FAM184A: variants seen among roughly 807,000 people sequenced by gnomAD.
The protein encoded by FAM184A is family with sequence similarity 184 member A, also known as protein FAM184A.
Under a neutral mutation model 143.8 loss-of-function variants are expected in FAM184A, and 99 were observed. The ratio of observed to expected loss-of-function variants is 0.69; its 90% CI spans 0.58 to 0.81. FAM184A has a LOEUF of 0.81. Among genes scored for constraint, FAM184A ranks in the 40% least tolerant of loss-of-function variants. The pLI is 0.00. For synonymous variants in FAM184A, 427 were observed against 446.4 expected, an observed-to-expected ratio of 0.96 and a Z score of 0.55; for missense variants, 1,217 against 1,310.5, an observed-to-expected ratio of 0.93 and a Z score of 1.10.
At chr6:119,064,924 T>C (rs1787387786) in intron 1 of FAM184A, among the ~76,000 whole-genome samples, 1 of 152,222 alleles carries the variant, frequency 6.6e-6, no homozygotes, top group Non-Finnish European at 1.5e-5. Context: ...CAATTTTATT[T>C]CTACTATTGA....
chr6:119,107,269 T>G (rs1284679005), intron 1 of FAM184A, among the ~76,000 whole-genome samples: 1 of 152,200 alleles, frequency 6.6e-6, no homozygotes, highest in Non-Finnish European at 1.5e-5. Context: ...TTATGTTTAC[T>G]AATATTATCA....
intron 6 of FAM184A, 61 bp downstream of exon 6, chr6:119,011,247 AC>A: frequency 7.0e-7 from 1 of 1,424,366 alleles, no homozygotes; most frequent in Non-Finnish European, 9.7e-7. Context: ...ATACAATGTC[AC>A]CAGAATAAGT....
intron 1 of FAM184A, among the ~76,000 whole-genome samples, chr6:119,090,760 G>T (rs1187087260): frequency 2.0e-5 from 3 of 152,062 alleles, no homozygotes; most frequent in Admixed American, 6.6e-5. Context: ...TTTTACCCTT[G>T]GTGAGCACTT....
intron 11 of FAM184A, among the ~76,000 whole-genome samples, chr6:118,976,263 T>C (rs1169283999): frequency 2.0e-5 from 3 of 152,194 alleles, no homozygotes; most frequent in Non-Finnish European, 4.4e-5. Context: ...ATATAAAATA[T>C]TTCAAATGTT....
At chr6:118,988,562 AC>A (rs1206714921) in intron 9 of FAM184A, among the ~76,000 whole-genome samples, 2 of 152,258 alleles carry the variant, frequency 1.3e-5, no homozygotes, top group East Asian at 3.8e-4. Flanking sequence ...AAAACCGCCA[AC>A]ACTAACTTGA....
chr6:119,026,873 T>A (rs1355284231), intron 1 of FAM184A, among the ~76,000 whole-genome samples: 2 of 152,198 alleles, frequency 1.3e-5, no homozygotes, highest in Non-Finnish European at 2.9e-5. Context: ...AGCTGCCTCC[T>A]GTAAAGTAAA....
chr6:119,026,651 C>A (rs928410163), intron 1 of FAM184A, among the ~76,000 whole-genome samples: 7 of 152,152 alleles, frequency 4.6e-5, no homozygotes, highest in Non-Finnish European at 8.8e-5. Context: ...TTAGACACAA[C>A]TGACCGACGT....
chr6:119,129,593 C>T (rs1284666189), intron 1 of FAM184A, among the ~76,000 whole-genome samples: 1 of 152,016 alleles, frequency 6.6e-6, no homozygotes, highest in Non-Finnish European at 1.5e-5. Context: ...GGCATTGGAG[C>T]TAACAAGCCT....
intron 6 of FAM184A, among the ~76,000 whole-genome samples, chr6:119,007,030 G>A (rs960519330): frequency 2.4e-4 from 37 of 152,222 alleles, no homozygotes; most frequent in African/African-American, 8.4e-4. Flanking sequence ...TTGCAAAGGG[G>A]ATAAATTTAG....
At chr6:119,089,329 A>G (rs1033699380) in intron 1 of FAM184A, among the ~76,000 whole-genome samples, 1 of 151,722 alleles carries the variant, frequency 6.6e-6, no homozygotes, top group Non-Finnish European at 1.5e-5. Flanking sequence ...ATAGCCTCCC[A>G]AGTAGCTGGG....
At chr6:118,970,164 C>T (rs893752467) in intron 14 of FAM184A, among the ~76,000 whole-genome samples, 7 of 149,668 alleles carry the variant, frequency 4.7e-5, no homozygotes, top group Non-Finnish European at 5.9e-5. Flanking sequence ...CCACCACACT[C>T]GGCTAATTTT....
intron 9 of FAM184A, among the ~76,000 whole-genome samples, chr6:118,997,339 A>G (rs1784601596): frequency 6.6e-6 from 1 of 151,700 alleles, no homozygotes; most frequent in Non-Finnish European, 1.5e-5. Context: ...AAAAAAAAAA[A>G]AAATTAAAAG....
At chr6:119,015,892 G>T (rs998409645) in intron 5 of FAM184A, among the ~76,000 whole-genome samples, 5 of 152,140 alleles carry the variant, frequency 3.3e-5, no homozygotes, top group African/African-American at 1.2e-4. Flanking sequence ...TGCACCAATC[G>T]ACACTCTGTA....
rs1156368493 is a variant in FAM184A at position 119,084,076 on chromosome 6, GGAGA to G, written c.-201-59267_-201-59264del. On this transcript the variant is annotated intron_variant, in intron 1 of 16. Transcript: ENST00000352896. The stretch of plus-strand genomic sequence containing the variant: ...GCAAGGCACATCTTACATTGTGGCA[GGAGA>G]GAGAGAGAGAGAAAGAGAGAGAGAA... 4.6e-5 allele frequency among the ~76,000 whole-genome samples: 7 copies of G among 151,316 alleles called. No homozygotes were observed. In the South Asian group the frequency reaches 6.3e-4, roughly 14 times the overall value.
chr6:119,119,967 C>G (rs1370667479), intron 1 of FAM184A, among the ~76,000 whole-genome samples: 2 of 152,126 alleles, frequency 1.3e-5, no homozygotes, highest in Non-Finnish European at 2.9e-5. Context: ...ATGGGTGACA[C>G]AGCAAGACCC....
intron 1 of FAM184A, among the ~76,000 whole-genome samples, chr6:119,107,014 T>C (rs1788805019): frequency 6.6e-6 from 1 of 152,214 alleles, no homozygotes; most frequent in Non-Finnish European, 1.5e-5. Context: ...TTGTAGGCCA[T>C]ATATTACTTT....
In FAM184A at chr6:119,023,072, T is replaced by C. The variant is rs1582517183; in HGVS notation, c.1023A>G (p.Gln341=). The change falls in exon 3 of 18, where the codon CAA becomes CAG. Residue 341 remains glutamine (Q), a synonymous_variant. Coordinates refer to ENST00000338891, the MANE Select transcript of FAM184A (RefSeq NM_024581.6). ...CCTCCTTGGCATCATCAAGCTGTTTTTGAAGAACCTAAGAAAGATTAAATA... is the reference window on the plus strand; with the variant it reads ...CCTCCTTGGCATCATCAAGCTGTTTCTGAAGAACCTAAGAAAGATTAAATA... ...AIAENNVQVL[Q]KQLDDAKEGE... is the part of the protein sequence containing the mutation. The C allele has an allele frequency of 1.9e-6, 3 of 1,614,118 alleles. No homozygotes were observed. The highest frequency in any genetic ancestry group is 2.2e-5 in the East Asian group (1 of 44,868).
intron 1 of FAM184A, among the ~76,000 whole-genome samples, chr6:119,045,619 T>C (rs752289829): frequency 6.6e-6 from 1 of 152,082 alleles, no homozygotes; most frequent in South Asian, 2.1e-4. Context: ...TAGGGTAGGA[T>C]ACAAAAATGG....
chr6:119,059,672 C>T (rs1787146199), intron 1 of FAM184A, among the ~76,000 whole-genome samples: 1 of 152,144 alleles, frequency 6.6e-6, no homozygotes, highest in South Asian at 2.1e-4. Context: ...GACATAATTA[C>T]TTGAAGCAAA....
Sources: gnomAD v4.1 joint callset for allele counts (sites outside exome capture counted in the v4.1 genomes callset) on GRCh38, gnomAD v4.1.1 for gene constraint, MANE v1.5 for transcripts, NCBI Gene and HGNC (gene_info 2026-07-23, HGNC 2026-07-21) for gene names.